The following OR9Q1 variants were observed in gnomAD, a reference collection of about 807,000 sequenced individuals.
OR9Q1 encodes olfactory receptor 9Q1.
For missense variants in OR9Q1, 374 were observed against 378.8 expected (o/e 0.99, Z 0.11); for synonymous variants, 153 against 148.6 (o/e 1.03, Z -0.22).
chr11:58,115,391 G>A (rs892703759), intron 2 of OR9Q1, among the ~76,000 whole-genome samples: 5 of 152,162 alleles, frequency 3.3e-5, no homozygotes, highest in Non-Finnish European at 7.3e-5. Flanking sequence ...TGAATAAGAT[G>A]TAGCCAAGCA....
chr11:58,115,816 C>A (rs1853948759), intron 2 of OR9Q1, among the ~76,000 whole-genome samples: 1 of 152,050 alleles, frequency 6.6e-6, no homozygotes, highest in East Asian at 1.9e-4. Flanking sequence ...TCTTTAAAAA[C>A]AAATACTCAG....
At chr11:58,100,591 C>T (rs997379073) in intron 2 of OR9Q1, among the ~76,000 whole-genome samples, 11 of 151,986 alleles carry the variant, frequency 7.2e-5, no homozygotes, top group African/African-American at 2.7e-4. Flanking sequence ...TGTTCATTTG[C>T]CACTATTTCT....
chr11:58,100,627 T>C (rs891299758), intron 2 of OR9Q1, among the ~76,000 whole-genome samples: 1 of 152,144 alleles, frequency 6.6e-6, no homozygotes, highest in Non-Finnish European at 1.5e-5. Context: ...ATTTTCTGTA[T>C]GTTTATATTT....
intron 2 of OR9Q1, among the ~76,000 whole-genome samples, chr11:58,142,668 A>C (rs1472258994): frequency 6.6e-6 from 1 of 152,180 alleles, no homozygotes; most frequent in Admixed American, 6.5e-5. Context: ...GGACAAGAAG[A>C]ATCACCTCTG....
At chr11:58,136,808 C>T (rs943942976) in intron 2 of OR9Q1, among the ~76,000 whole-genome samples, 1 of 152,184 alleles carries the variant, frequency 6.6e-6, no homozygotes, top group African/African-American at 2.4e-5. Context: ...CTCTCCCAAT[C>T]CCCCTTCAGA....
intron 2 of OR9Q1, among the ~76,000 whole-genome samples, chr11:58,110,326 A>G (rs1213197210): frequency 6.6e-6 from 1 of 152,192 alleles, no homozygotes; most frequent in African/African-American, 2.4e-5. Context: ...CAAGTCAAAC[A>G]TTCCCAGTTA....
intron 2 of OR9Q1, chr11:58,119,477 T>C (rs779500480): frequency 4.5e-6 from 6 of 1,319,188 alleles, no homozygotes; most frequent in East Asian, 2.3e-5. Flanking sequence ...CTGAGGATGA[T>C]AATGAAATAA....
chr11:58,174,148 T>C (rs966195205), intron 2 of OR9Q1, among the ~76,000 whole-genome samples: 6 of 152,186 alleles, frequency 3.9e-5, no homozygotes, highest in Non-Finnish European at 8.8e-5. Context: ...ATGTTGAGCT[T>C]GACTATGTGG....
intron 2 of OR9Q1, among the ~76,000 whole-genome samples, chr11:58,147,588 T>C (rs1854310783): frequency 6.6e-6 from 1 of 152,206 alleles, no homozygotes; most frequent in Non-Finnish European, 1.5e-5. Context: ...ATTTTGCCTA[T>C]AAATGAGTGA....
At chr11:58,108,031 GA>G (rs1853859372) in intron 2 of OR9Q1, among the ~76,000 whole-genome samples, 1 of 152,074 alleles carries the variant, frequency 6.6e-6, no homozygotes. Flanking sequence ...TTTAGGAGGA[GA>G]AAAAAAGAAA....
intron 1 of OR9Q1, among the ~76,000 whole-genome samples, chr11:58,039,805 T>TC (rs1299916693): frequency 6.6e-6 from 1 of 152,232 alleles, no homozygotes; most frequent in African/African-American, 2.4e-5. Context: ...GAAGGTCCCT[T>TC]CCAGGACATA....
At chr11:58,160,249 C>T (rs1277279946) in intron 2 of OR9Q1, among the ~76,000 whole-genome samples, 1 of 152,190 alleles carries the variant, frequency 6.6e-6, no homozygotes, top group Non-Finnish European at 1.5e-5. Context: ...GAGGCCTTGA[C>T]ATGTCCTAAC....
At chr11:58,087,790 C>T (rs1853648116) in intron 2 of OR9Q1, among the ~76,000 whole-genome samples, 1 of 151,708 alleles carries the variant, frequency 6.6e-6, no homozygotes, top group African/African-American at 2.4e-5. Flanking sequence ...TGTTCAACTC[C>T]CACTTATGAG....
chr11:58,123,702 TG>T (rs1854059084), intron 2 of OR9Q1, among the ~76,000 whole-genome samples: 2 of 152,352 alleles, frequency 1.3e-5, no homozygotes, highest in East Asian at 3.9e-4. Context: ...TTCCAAATTC[TG>T]TATTCTTTCC....
chr11:58,103,648 TG>T lies in OR9Q1; in HGVS notation c.-15+47702del, dbSNP rs1426406317. The stretch of plus-strand genomic sequence containing the variant: ...GTGTTCCTTTAGAAGTGTCATGTTT[TG>T]TTTTTGTTTTTTACTTTTTAATGTT... On this transcript the variant is annotated intron_variant, in intron 2 of 2. Coordinates refer to ENST00000335397, the MANE Select transcript of OR9Q1 (RefSeq NM_001005212.4). Among the ~76,000 whole-genome samples the T allele has an allele frequency of 2.6e-5, 4 of 152,228 alleles. No homozygotes were observed. In the East Asian group the frequency reaches 7.7e-4, roughly 29 times the overall value.
chr11:58,095,927 A>G (rs1853726699), intron 2 of OR9Q1, among the ~76,000 whole-genome samples: 1 of 152,192 alleles, frequency 6.6e-6, no homozygotes, highest in Non-Finnish European at 1.5e-5. Context: ...CATGTCTCAC[A>G]CCATACTAGG....
chr11:58,168,880 A>G (rs886280165), intron 2 of OR9Q1, among the ~76,000 whole-genome samples: 1 of 152,120 alleles, frequency 6.6e-6, no homozygotes, highest in Non-Finnish European at 1.5e-5. Flanking sequence ...GTACATATCA[A>G]TGTCAATTAT....
At chr11:58,129,236 C>CGTGTGTGT (rs59902083) in intron 2 of OR9Q1, among the ~76,000 whole-genome samples, 1,956 of 144,820 alleles carry the variant, frequency 0.014, 52 homozygotes, top group African/African-American at 0.048. Context: ...CAGAGCAATT[C>CGTGTGTGT]GTGTGTGTGT....
chr11:58,154,654 T>C (rs1854388299), intron 2 of OR9Q1, among the ~76,000 whole-genome samples: 3 of 152,220 alleles, frequency 2.0e-5, no homozygotes, highest in Non-Finnish European at 4.4e-5. Context: ...GTGATGACTA[T>C]TGTAATTACA....
Sources: allele counts gnomAD v4.1 joint callset (sites outside exome capture counted in the v4.1 genomes callset), GRCh38; gene constraint gnomAD v4.1.1; transcripts MANE v1.5; gene names NCBI Gene and HGNC (gene_info 2026-07-23, HGNC 2026-07-21).